The following PIEZO2 variants were observed in gnomAD, a reference collection of about 807,000 sequenced individuals.
PIEZO2 encodes piezo-type mechanosensitive ion channel component 2.
PIEZO2 carries 172 observed loss-of-function variants against 337.3 expected under a neutral mutation model. The observed-to-expected ratio is 0.51, with a 90% CI of 0.45 to 0.58. The LOEUF (loss-of-function observed/expected upper bound fraction) is 0.58. PIEZO2 is among the 20% of genes least tolerant of loss of function. The probability of loss-of-function intolerance (pLI) is 0.00; values close to 1 mark genes in which losing one functional copy is unlikely to be tolerated. For missense variants in PIEZO2, 3,028 were observed against 3,391.3 expected (o/e 0.89, Z 2.66); for synonymous variants, 1,251 against 1,228.5 (o/e 1.02, Z -0.38).
At chr18:10,925,291 A>C (rs533628368) in intron 3 of PIEZO2, among the ~76,000 whole-genome samples, 1 of 152,214 alleles carries the variant, frequency 6.6e-6, no homozygotes, top group Non-Finnish European at 1.5e-5. Context: ...CTTTGCTCTT[A>C]AATGTCAGGT....
At chr18:11,068,534 A>C (rs181364308) in intron 1 of PIEZO2, among the ~76,000 whole-genome samples, 2 of 152,262 alleles carry the variant, frequency 1.3e-5, no homozygotes, top group African/African-American at 4.8e-5. Context: ...AATCCAGCAA[A>C]AGCAGTTCTA....
chr18:10,831,511 G>T (rs1307795568), intron 7 of PIEZO2, among the ~76,000 whole-genome samples: 1 of 152,158 alleles, frequency 6.6e-6, no homozygotes, highest in Non-Finnish European at 1.5e-5. Context: ...TGGAATGATG[G>T]TTACCAGAGG....
In PIEZO2 at chr18:11,097,808, G is replaced by T. The variant is rs1184122621; in HGVS notation, c.65-31586C>A. Among the ~76,000 whole-genome samples, 3 of 152,132 alleles carry T rather than the reference G, an allele frequency of 2.0e-5. No homozygotes were observed. Among genetic ancestry groups the T allele is most frequent in the Non-Finnish European group, 4.4e-5 (3 of 68,014 alleles). On this transcript the variant is annotated intron_variant, in intron 1 of 55. Coordinates refer to ENST00000674853, the MANE Select transcript of PIEZO2 (RefSeq NM_001378183.1). This position sits in a 1 kb window ranked among gnomAD's most constrained non-coding sequence, Gnocchi z 5.0. ...CTAAATCAGAAAAAGTCTACCCACT[G>T]GGCTGTTTTCTAAAGACTTCTGTGG...
Position 11,101,680 on chromosome 18 carries a change from C to T in PIEZO2, c.65-35458G>A, listed in dbSNP as rs756705066. 2.6e-5 allele frequency among the ~76,000 whole-genome samples: 4 copies of T among 152,190 alleles called. No individual in the cohort carries two copies. The highest frequency in any genetic ancestry group is 4.4e-5 in the Non-Finnish European group (3 of 68,046). ...CGATGACTATGTTCAGTGTTTATAT[C>T]CTCACAGAGAATTTCCTAAAGCATT... On this transcript the variant is annotated intron_variant, in intron 1 of 55. Transcript: ENST00000674853. This position sits in a 1 kb window ranked among gnomAD's most constrained non-coding sequence, Gnocchi z 4.4.
At chr18:11,140,608 G>T (rs531499075) in intron 1 of PIEZO2, among the ~76,000 whole-genome samples, 2 of 152,302 alleles carry the variant, frequency 1.3e-5, no homozygotes, top group African/African-American at 4.8e-5. Context: ...TAGAAACAAA[G>T]ATGGGTGTTA....
intron 2 of PIEZO2, among the ~76,000 whole-genome samples, chr18:11,014,926 CGGG>C (rs2036056228): frequency 3.0e-5 from 4 of 131,308 alleles, no homozygotes; most frequent in African/African-American, 8.7e-5. Flanking sequence ...GACAGCGATC[CGGG>C]GCCCCCCTCA....
intron 2 of PIEZO2, among the ~76,000 whole-genome samples, chr18:11,004,393 C>T (rs888530339): frequency 8.5e-5 from 13 of 152,140 alleles, no homozygotes. Context: ...CCCCACAGCC[C>T]CCGCCCCATA....
At chr18:10,889,193 G>T (rs190882145) in intron 4 of PIEZO2, among the ~76,000 whole-genome samples, 1 of 152,134 alleles carries the variant, frequency 6.6e-6, no homozygotes, top group Non-Finnish European at 1.5e-5. Context: ...TTTCAAATTC[G>T]GCTTTCATCC....
intron 2 of PIEZO2, among the ~76,000 whole-genome samples, chr18:11,046,466 C>T (rs1319370234): frequency 6.6e-6 from 1 of 152,238 alleles, no homozygotes; most frequent in East Asian, 1.9e-4. Flanking sequence ...TCACCTACTG[C>T]ACAGTCAGCT....
At chr18:10,865,327 G>A (rs1252291874) in intron 5 of PIEZO2, among the ~76,000 whole-genome samples, 1 of 152,232 alleles carries the variant, frequency 6.6e-6, no homozygotes, top group Admixed American at 6.5e-5. Flanking sequence ...GCTGTGTGCA[G>A]CATCAATTGG....
At chr18:10,886,323 C>CATACATATATAT (rs1568164981) in intron 4 of PIEZO2, among the ~76,000 whole-genome samples, 5 of 26,376 alleles carry the variant, frequency 1.9e-4, no homozygotes, top group African/African-American at 2.8e-4. Flanking sequence ...CCTATACATA[C>CATACATATATAT]ATATATATAT....
intron 1 of PIEZO2, among the ~76,000 whole-genome samples, chr18:11,090,837 C>CG (rs34733496): frequency 0.31 from 46,797 of 149,530 alleles, 7,783 homozygotes; most frequent in South Asian, 0.56. Flanking sequence ...GGTGTGAACC[C>CG]GGGGGGGCAA....
intron 36 of PIEZO2, chr18:10,725,022 G>A: frequency 6.3e-7 from 1 of 1,586,282 alleles, no homozygotes; most frequent in Non-Finnish European, 8.6e-7. Flanking sequence ...GTGCCAGCAA[G>A]AGCCCCTGCA....
At chr18:11,058,808 T>G (rs770610901) in intron 2 of PIEZO2, among the ~76,000 whole-genome samples, 1 of 152,084 alleles carries the variant, frequency 6.6e-6, no homozygotes, top group Non-Finnish European at 1.5e-5. Flanking sequence ...ACAGGGAGAA[T>G]GGAACCAAGT....
chr18:11,117,662 T>C (rs912581735), intron 1 of PIEZO2, among the ~76,000 whole-genome samples: 2 of 152,228 alleles, frequency 1.3e-5, no homozygotes, highest in African/African-American at 4.8e-5. Context: ...AAAGAAAATG[T>C]CCCTTTGGAT....
intron 2 of PIEZO2, among the ~76,000 whole-genome samples, chr18:11,037,907 A>G (rs983837214): frequency 6.6e-6 from 1 of 152,238 alleles, no homozygotes; most frequent in African/African-American, 2.4e-5. Context: ...ATTTCTGCAA[A>G]CGAATTTTCC....
At chr18:11,030,848 A>G (rs553769659) in intron 2 of PIEZO2, among the ~76,000 whole-genome samples, 5 of 152,346 alleles carry the variant, frequency 3.3e-5, no homozygotes, top group African/African-American at 1.2e-4. Context: ...CTAGACAAAA[A>G]GCATTTCACT....
chr18:10,820,733 G>T (rs2040497737), intron 7 of PIEZO2, among the ~76,000 whole-genome samples: 1 of 152,082 alleles, frequency 6.6e-6, no homozygotes, highest in South Asian at 2.1e-4. Context: ...TCTCGATTTT[G>T]TTGTCATTTA....
chr18:10,761,094 C>A lies in PIEZO2; in HGVS notation c.3267G>T (p.Leu1089=). 1 of 1,537,162 alleles carries A rather than the reference C, an allele frequency of 6.5e-7. No individual in the cohort carries two copies. Among genetic ancestry groups the A allele is most frequent in the South Asian group, 1.2e-5 (1 of 84,048 alleles). The change falls in exon 24 of 56, where the codon CTG becomes CTT. Residue 1089 remains leucine (L), a synonymous_variant. Coordinates refer to ENST00000674853, the MANE Select transcript of PIEZO2 (RefSeq NM_001378183.1). ...TGGTGACTTCAAAGGCCAGGATAGC[C>A]AGCATCAGGAGGTTATTCTACAAAG... The part of the protein sequence containing the change: ...LVYLRNNLLM[L]AILAFEVTIY...
Sources: allele counts gnomAD v4.1 joint callset (sites outside exome capture counted in the v4.1 genomes callset), GRCh38; gene constraint gnomAD v4.1.1; non-coding constraint Gnocchi (gnomAD v3.1); transcripts MANE v1.5; gene names NCBI Gene and HGNC (gene_info 2026-07-23, HGNC 2026-07-21).